The following HTT variants were observed in gnomAD, a reference collection of about 807,000 sequenced individuals.
HTT encodes huntington disease protein.
Under a neutral mutation model 362.3 loss-of-function variants are expected in HTT, and 104 were observed. The observed-to-expected ratio is 0.29, with a 90% CI of 0.24 to 0.34. HTT has a LOEUF of 0.34. Among genes scored for constraint, HTT ranks in the 10% least tolerant of loss-of-function variants. The pLI, the probability that HTT is intolerant of heterozygous loss-of-function variation, is 1.00. For synonymous variants in HTT, 1,577 were observed against 1,548.7 expected, an observed-to-expected ratio of 1.02 and a Z score of -0.43; for missense variants, 3,301 against 3,928.6, an observed-to-expected ratio of 0.84 and a Z score of 4.27.
chr4:3,215,157 A>C lies in HTT; in HGVS notation c.7000A>C (p.Asn2334His). The C allele has an allele frequency of 6.2e-7, 1 of 1,614,170 alleles. No individual in the cohort carries two copies. Among genetic ancestry groups the C allele is most frequent in the Non-Finnish European group, 8.5e-7 (1 of 1,180,006 alleles). The change falls in exon 51 of 67, where the codon AAT becomes CAT. Residue 2334 changes from asparagine (N) to histidine (H), a missense_variant. By Grantham distance (68) the Asn-to-His change is moderately conservative (BLOSUM62 1). This residue lies in a region of HTT where 220 missense variants were observed against 218.5 expected (regional missense o/e 1.01). Coordinates refer to ENST00000355072, the MANE Select transcript of HTT (RefSeq NM_001388492.1). ...EQLLSPERRTNTPKAISEEEE... is the reference protein window; with the variant it reads ...EQLLSPERRTHTPKAISEEEE... ...GCTTCTTAGTCCAGAAAGAAGGACAAATACCCCAAAAGCCATCAGCGAGGA... is the reference window on the plus strand; with the variant it reads ...GCTTCTTAGTCCAGAAAGAAGGACACATACCCCAAAAGCCATCAGCGAGGA...
intron 4 of HTT, 51 bp downstream of exon 4, chr4:3,103,934 A>G: frequency 5.6e-6 from 6 of 1,076,168 alleles, no homozygotes; most frequent in Non-Finnish European, 8.5e-6. Context: ...AAATTTTTAT[A>G]GGTACACGTA....
intron 31 of HTT, among the ~76,000 whole-genome samples, chr4:3,174,269 A>G (rs1356846851): frequency 6.6e-6 from 1 of 152,200 alleles, no homozygotes; most frequent in Non-Finnish European, 1.5e-5. Flanking sequence ...ATTAATAAGC[A>G]TGTGAGTGTG....
chr4:3,166,632 A>G (rs957245191), intron 29 of HTT, among the ~76,000 whole-genome samples: 2 of 152,322 alleles, frequency 1.3e-5, no homozygotes, highest in African/African-American at 4.8e-5. Flanking sequence ...CACCTACTCT[A>G]GCCTCAGCAG....
chr4:3,111,552 A>G (rs1714751409), intron 6 of HTT, among the ~76,000 whole-genome samples: 1 of 152,140 alleles, frequency 6.6e-6, no homozygotes, highest in African/African-American at 2.4e-5. Context: ...CCTGGAAGGA[A>G]ATTACTCATT....
At chr4:3,133,516 A>G (rs2110190748) in intron 18 of HTT, among the ~76,000 whole-genome samples, 1 of 128,384 alleles carries the variant, frequency 7.8e-6, no homozygotes, top group South Asian at 2.6e-4. Flanking sequence ...AATAATAATC[A>G]GTTGAATTAA....
chr4:3,083,739 C>G (rs1292110362), intron 1 of HTT, among the ~76,000 whole-genome samples: 1 of 152,128 alleles, frequency 6.6e-6, no homozygotes, highest in African/African-American at 2.4e-5. Flanking sequence ...TGTCATAAAA[C>G]TGAACATACC....
intron 27 of HTT, among the ~76,000 whole-genome samples, chr4:3,155,764 G>A (rs996402319): frequency 4.0e-5 from 6 of 149,086 alleles, no homozygotes; most frequent in Non-Finnish European, 1.5e-5. Flanking sequence ...CGGGCATGGT[G>A]GCTCGCGCCA....
intron 40 of HTT, among the ~76,000 whole-genome samples, chr4:3,191,154 G>GCTTTCTTT (rs71180117): frequency 0.044 from 6,437 of 147,914 alleles, 157 homozygotes; most frequent in Non-Finnish European, 0.063. Flanking sequence ...TACTGCTTGA[G>GCTTTCTTT]CTTTCTTTCT....
intron 61 of HTT, among the ~76,000 whole-genome samples, chr4:3,234,995 G>T (rs1721451885): frequency 6.6e-6 from 1 of 152,202 alleles, no homozygotes; most frequent in African/African-American, 2.4e-5. Flanking sequence ...GGGACAGAGA[G>T]AGGAAGTGTG....
rs1182435899 is a variant in HTT at position 3,206,457 on chromosome 4, T to A, written c.5719-39T>A. ...GGCATTAATACCTGGTCTCTTCTTG[T>A]GTACTTGAAAATGAATCTCTCATCA... On this transcript the variant is annotated intron_variant, in intron 42 of 66. Coordinates refer to ENST00000355072, the MANE Select transcript of HTT (RefSeq NM_001388492.1). This position sits in a 1 kb window ranked among gnomAD's most constrained non-coding sequence, Gnocchi z 4.6. The A allele has an allele frequency of 1.9e-6, 3 of 1,552,856 alleles. No individual in the cohort carries two copies. The highest frequency in any genetic ancestry group is 1.7e-5 in the Admixed American group (1 of 59,832).
At chr4:3,183,131 C>T in intron 37 of HTT, among the ~76,000 whole-genome samples, 1 of 152,250 alleles carries the variant, frequency 6.6e-6, no homozygotes, top group East Asian at 1.9e-4. Context: ...ATCCACCAAC[C>T]TTGGCCTGCC....
chr4:3,158,935 G>GA (rs1241701897), intron 28 of HTT, among the ~76,000 whole-genome samples: 1 of 152,124 alleles, frequency 6.6e-6, no homozygotes, highest in Non-Finnish European at 1.5e-5. Context: ...TGAATACCCT[G>GA]AACTCCAGCA....
chr4:3,099,586 A>ATTGTATGGTTTGGAGGTGCTCTG (rs1714041084), intron 3 of HTT, among the ~76,000 whole-genome samples, 192 bp downstream of exon 3: 1 of 85,802 alleles, frequency 1.2e-5, no homozygotes, highest in African/African-American at 4.4e-5. Context: ...GAGGTGCTCT[A>ATTGTATGGTTTGGAGGTGCTCTG]TTGTATGGTT....
rs924629560 is a variant in HTT at position 3,224,090 on chromosome 4, A to G, written c.7724A>G (p.Gln2575Arg). ...AATATTGCCACCCATCATTTATATC[A>G]GGCATGGGATCCTGTCCCTTCTCTG... ...RENIATHHLY[Q>R]AWDPVPSLSP... Residue 2575 changes from glutamine (Q) to arginine (R), a missense_variant, in exon 56 of 67, where the codon CAG becomes CGG. Transcript: ENST00000355072. 3.7e-6 allele frequency: 6 copies of G among 1,614,036 alleles called. No individual in the cohort carries two copies. The highest frequency in any genetic ancestry group is 5.1e-6 in the Non-Finnish European group (6 of 1,179,990).
In HTT at chr4:3,176,003, G is replaced by GT. The variant is rs1481460265; in HGVS notation, c.4407+904dup. On this transcript the variant is annotated intron_variant, in intron 33 of 66. Coordinates refer to ENST00000355072, the MANE Select transcript of HTT (RefSeq NM_001388492.1). ...GTGGGTATTGGGGTGGTATCTGCTT[G>GT]TTTTTTTTGTTGTTGTTGTTTGTTT... 6.7e-4 allele frequency among the ~76,000 whole-genome samples: 98 copies of GT among 145,892 alleles called. 1 individual carries two copies. Among genetic ancestry groups the GT allele is most frequent in the Middle Eastern group, 3.6e-3 (1 of 280 alleles).
intron 49 of HTT, chr4:3,213,181 C>T (rs367784426): frequency 1.2e-5 from 2 of 160,930 alleles, no homozygotes; most frequent in East Asian, 1.8e-4. Context: ...TTTGCAGACC[C>T]ACAGAGGCTC....
At chr4:3,171,576 C>G (rs911915398) in intron 29 of HTT, among the ~76,000 whole-genome samples, 1 of 151,450 alleles carries the variant, frequency 6.6e-6, no homozygotes, top group African/African-American at 2.4e-5. Context: ...CTCCCTGGTT[C>G]AAGCGATTCT....
intron 47 of HTT, 111 bp downstream of exon 47, chr4:3,210,060 C>G: frequency 7.4e-7 from 1 of 1,357,048 alleles, no homozygotes; most frequent in Non-Finnish European, 1.0e-6. Context: ...GTTGGGGACT[C>G]CAGTCTGGGC....
chr4:3,151,287 G>C (rs186593146), intron 26 of HTT, among the ~76,000 whole-genome samples: 249 of 152,228 alleles, frequency 1.6e-3, no homozygotes, highest in African/African-American at 5.6e-3. Context: ...GAAACTTGCA[G>C]TCATGGCAGA....
Sources: gnomAD v4.1 joint callset for allele counts (sites outside exome capture counted in the v4.1 genomes callset) on GRCh38, gnomAD v4.1.1 for gene constraint, gnomAD v4.1.1 regional missense constraint, Gnocchi (gnomAD v3.1) non-coding constraint, MANE v1.5 for transcripts, NCBI Gene and HGNC (gene_info 2026-07-23, HGNC 2026-07-21) for gene names.